Variants in SDK1 observed in about 807,000 individuals in gnomAD.
The protein encoded by SDK1 is sidekick cell adhesion molecule 1.
A neutral mutation model predicts 245.5 loss-of-function variants in SDK1; 157 were observed. The ratio of observed to expected loss-of-function variants is 0.64; its 90% CI spans 0.56 to 0.73. The LOEUF is 0.73. Ranked by LOEUF, SDK1 falls within the 30% of genes least tolerant of loss-of-function variation. The pLI is 0.00. For missense variants in SDK1, 3,583 were observed against 3,002.3 expected (o/e 1.19, Z -4.52); for synonymous variants, 1,647 against 1,278.5 (o/e 1.29, Z -6.15).
intron 4 of SDK1, among the ~76,000 whole-genome samples, chr7:3,694,955 C>G (rs963500213): frequency 2.6e-5 from 4 of 152,164 alleles, no homozygotes; most frequent in African/African-American, 9.7e-5. Context: ...CTTCAAGTGT[C>G]TTCTTATTGA....
intron 1 of SDK1, among the ~76,000 whole-genome samples, chr7:3,558,444 C>G (rs565957951): frequency 6.6e-6 from 1 of 152,190 alleles, no homozygotes; most frequent in Non-Finnish European, 1.5e-5. Context: ...CTTCTGTATT[C>G]CAGGATTTGT....
At chr7:3,569,863 G>A (rs17751535) in intron 1 of SDK1, among the ~76,000 whole-genome samples, 9,953 of 152,232 alleles carry the variant, frequency 0.065, 402 homozygotes, top group Middle Eastern at 0.14. Context: ...CAGTTGGTAC[G>A]TTGTTTATTT....
At chr7:3,431,619 G>A (rs1267808058) in intron 1 of SDK1, among the ~76,000 whole-genome samples, 1 of 152,050 alleles carries the variant, frequency 6.6e-6, no homozygotes, top group Non-Finnish European at 1.5e-5. Context: ...AAACTTTTGT[G>A]GTAATCTTTT....
chr7:3,807,347 G>C (rs542263584), intron 4 of SDK1, among the ~76,000 whole-genome samples: 1 of 152,314 alleles, frequency 6.6e-6, no homozygotes, highest in African/African-American at 2.4e-5. Context: ...ACATAACTCG[G>C]GTGGTGTGGG....
At chr7:3,427,196 A>G (rs768464660) in intron 1 of SDK1, among the ~76,000 whole-genome samples, 2 of 152,192 alleles carry the variant, frequency 1.3e-5, no homozygotes, top group African/African-American at 4.8e-5. Flanking sequence ...TATGGAAATG[A>G]AAAAGTAAAA....
chr7:3,755,391 C>T (rs1020211513), intron 4 of SDK1, among the ~76,000 whole-genome samples: 1 of 152,084 alleles, frequency 6.6e-6, no homozygotes, highest in Non-Finnish European at 1.5e-5. Flanking sequence ...GTTTCTCACG[C>T]GGGTGGGAGT....
chr7:3,367,408 T>C (rs1781119954), intron 1 of SDK1, among the ~76,000 whole-genome samples: 1 of 152,198 alleles, frequency 6.6e-6, no homozygotes, highest in South Asian at 2.1e-4. Flanking sequence ...TTTTTGACTA[T>C]ATTTCAAGCC....
chr7:4,248,661 A>C (rs1787076542), intron 44 of SDK1, among the ~76,000 whole-genome samples: 1 of 151,090 alleles, frequency 6.6e-6, no homozygotes, highest in Admixed American at 6.6e-5. Flanking sequence ...CACATGTACA[A>C]ATAACTACAC....
At chr7:3,938,659 A>AAAAAAAAAAAAAAAAAAAAG (rs1554284813) in intron 5 of SDK1, among the ~76,000 whole-genome samples, 6 of 151,064 alleles carry the variant, frequency 4.0e-5, no homozygotes, top group African/African-American at 1.5e-4. Flanking sequence ...AAAAAAAAAA[A>AAAAAAAAAAAAAAAAAAAAG]AGAGATCCTC....
At chr7:3,688,969 C>G (rs1295804012) in intron 4 of SDK1, among the ~76,000 whole-genome samples, 1 of 152,182 alleles carries the variant, frequency 6.6e-6, no homozygotes, top group Non-Finnish European at 1.5e-5. Context: ...AGACTACTGC[C>G]CAAGGGGCCA....
chr7:3,581,738 A>G (rs1780503977), intron 1 of SDK1, among the ~76,000 whole-genome samples: 1 of 152,234 alleles, frequency 6.6e-6, no homozygotes, highest in South Asian at 2.1e-4. Flanking sequence ...AAAGACATGG[A>G]GTCAACCTAA....
intron 5 of SDK1, among the ~76,000 whole-genome samples, chr7:3,835,229 GACTT>G (rs2115079606): frequency 6.6e-6 from 1 of 152,246 alleles, no homozygotes; most frequent in Non-Finnish European, 1.5e-5. Context: ...TTCTTTGTCT[GACTT>G]AGTAAGGTGC....
chr7:3,574,229 G>A (rs1026083948), intron 1 of SDK1, among the ~76,000 whole-genome samples: 1 of 151,334 alleles, frequency 6.6e-6, no homozygotes, highest in African/African-American at 2.4e-5. Flanking sequence ...CAATTCTCCT[G>A]TCTCAGCCTC....
At chr7:3,663,706 T>C (rs1384048519) in intron 4 of SDK1, among the ~76,000 whole-genome samples, 1 of 152,170 alleles carries the variant, frequency 6.6e-6, no homozygotes, top group East Asian at 1.9e-4. Context: ...ACCCTACTTG[T>C]TTATAGCTAC....
chr7:4,254,351 T>A (rs915605954), intron 44 of SDK1, among the ~76,000 whole-genome samples: 9 of 152,222 alleles, frequency 5.9e-5, no homozygotes, highest in African/African-American at 2.2e-4. Context: ...TCTATCAATC[T>A]ATCTTTAAGT....
intron 1 of SDK1, among the ~76,000 whole-genome samples, chr7:3,437,098 G>GACGATT (rs1195117958): frequency 6.6e-6 from 1 of 152,104 alleles, no homozygotes; most frequent in East Asian, 1.9e-4. Flanking sequence ...GACACTAAAA[G>GACGATT]ACGATTAATA....
intron 1 of SDK1, among the ~76,000 whole-genome samples, chr7:3,482,581 T>G (rs1437909459): frequency 6.6e-6 from 1 of 152,196 alleles, no homozygotes; most frequent in East Asian, 1.9e-4. Flanking sequence ...AGCGCTTCTC[T>G]GAGAATTGAT....
At chr7:3,974,239 G>A in intron 12 of SDK1, 130 bp from the exon 13 acceptor site, 2 of 603,562 alleles carry the variant, frequency 3.3e-6, no homozygotes, top group South Asian at 2.7e-5. Flanking sequence ...CTCTTTTAAA[G>A]AGCACAGTTC....
rs562807361 is a variant in SDK1, at chr7:4,138,252, G to A, written c.4228+5829G>A. On this transcript the variant is annotated intron_variant, in intron 28 of 44. Coordinates refer to ENST00000404826, the MANE Select transcript of SDK1 (RefSeq NM_152744.4). ...CTGCATCCTAAAGGTCAGGGGAGGG[G>A]AGGGCGACCCCACTGCAAACTCCCC... Among the ~76,000 whole-genome samples the A allele has an allele frequency of 9.9e-5, 15 of 152,256 alleles. No homozygotes were observed. In the South Asian group the frequency reaches 1.2e-3, roughly 13 times the overall value.
Sources: allele counts gnomAD v4.1 joint callset (sites outside exome capture counted in the v4.1 genomes callset), GRCh38; gene constraint gnomAD v4.1.1; transcripts MANE v1.5; gene names NCBI Gene and HGNC (gene_info 2026-07-23, HGNC 2026-07-21).